PRR5L: variants seen among roughly 807,000 people sequenced by gnomAD.
PRR5L encodes the protein proline-rich protein 5-like.
PRR5L carries 21 observed loss-of-function variants against 36.4 expected under a neutral mutation model. The ratio of observed to expected loss-of-function variants is 0.58; its 90% confidence interval spans 0.41 to 0.83. The LOEUF (loss-of-function observed/expected upper bound fraction) is 0.83, where lower values mean the gene tolerates loss of function less well. Among genes scored for constraint, PRR5L ranks in the 40% least tolerant of loss-of-function variants. The pLI, the probability that PRR5L is intolerant of heterozygous loss-of-function variation, is 0.00. For missense variants in PRR5L, 381 were observed against 473.3 expected (o/e 0.80, Z 1.81); for synonymous variants, 188 against 197.0 (o/e 0.95, Z 0.38).
intron 1 of PRR5L, among the ~76,000 whole-genome samples, chr11:36,313,850 C>A (rs1250757091): frequency 6.6e-6 from 1 of 152,192 alleles, no homozygotes; most frequent in Non-Finnish European, 1.5e-5. Flanking sequence ...TTGCTGATTT[C>A]TCCTCAGTCC....
chr11:36,334,673 T>C (rs1565395180), intron 1 of PRR5L, among the ~76,000 whole-genome samples: 1 of 152,238 alleles, frequency 6.6e-6, no homozygotes, highest in Non-Finnish European at 1.5e-5. Flanking sequence ...ACCTTTTCTA[T>C]GTAGCACTCC....
chr11:36,345,528 T>C (rs1856856843), intron 1 of PRR5L, among the ~76,000 whole-genome samples: 1 of 152,164 alleles, frequency 6.6e-6, no homozygotes. Context: ...ACAGACATAG[T>C]TTTTGGTGAG....
chr11:36,322,586 G>C (rs758723671), intron 1 of PRR5L, among the ~76,000 whole-genome samples: 1 of 152,066 alleles, frequency 6.6e-6, no homozygotes, highest in Non-Finnish European at 1.5e-5. Context: ...CCCACCTCTG[G>C]CCTCATCACA....
chr11:36,375,282 A>T (rs1254161527), intron 1 of PRR5L, among the ~76,000 whole-genome samples: 1 of 151,888 alleles, frequency 6.6e-6, no homozygotes. Context: ...TCCCATGCCC[A>T]GTCTCTTTCA....
At chr11:36,382,501 A>T (rs1857387215) in intron 1 of PRR5L, among the ~76,000 whole-genome samples, 1 of 152,230 alleles carries the variant, frequency 6.6e-6, no homozygotes, top group Non-Finnish European at 1.5e-5. Context: ...TAAACCACAG[A>T]ATCCGATTCA....
At chr11:36,376,224 T>A in intron 1 of PRR5L, 2 of 1,232,764 alleles carry the variant, frequency 1.6e-6, no homozygotes, top group African/African-American at 1.7e-5. Flanking sequence ...GGAGGAGGAG[T>A]GAGATGGGGT....
At chr11:36,398,197 G>A (rs759873165) in intron 1 of PRR5L, among the ~76,000 whole-genome samples, 3 of 152,228 alleles carry the variant, frequency 2.0e-5, no homozygotes, top group Non-Finnish European at 4.4e-5. Context: ...TCGGGGAATA[G>A]CTCTCACAGT....
chr11:36,416,666 C>G (rs1858149910), intron 3 of PRR5L, among the ~76,000 whole-genome samples: 1 of 152,188 alleles, frequency 6.6e-6, no homozygotes, highest in African/African-American at 2.4e-5. Flanking sequence ...TTAGCTTCTG[C>G]TCTGTTATTG....
At chr11:36,305,565 C>T (rs1856421692) in intron 1 of PRR5L, among the ~76,000 whole-genome samples, 1 of 152,138 alleles carries the variant, frequency 6.6e-6, no homozygotes, top group African/African-American at 2.4e-5. Context: ...TTTACGTCCC[C>T]CTGAAATTCA....
At chr11:36,385,270 G>T (rs1423352000) in intron 1 of PRR5L, among the ~76,000 whole-genome samples, 1 of 152,114 alleles carries the variant, frequency 6.6e-6, no homozygotes, top group Non-Finnish European at 1.5e-5. Context: ...GATGACATTT[G>T]GGGGCCACAC....
chr11:36,386,793 G>T (rs1394180384), intron 1 of PRR5L, among the ~76,000 whole-genome samples: 1 of 152,192 alleles, frequency 6.6e-6, no homozygotes, highest in Non-Finnish European at 1.5e-5. Context: ...CTACCTCCTT[G>T]GTTTAGAGTA....
intron 5 of PRR5L, among the ~76,000 whole-genome samples, chr11:36,433,658 T>G (rs1245544084): frequency 6.6e-6 from 1 of 152,204 alleles, no homozygotes; most frequent in African/African-American, 2.4e-5. Flanking sequence ...CAAGTGATTC[T>G]CATGCCTCAG....
At chr11:36,419,133 T>C (rs1564943232) in intron 3 of PRR5L, 122 bp from the exon 4 acceptor site, 4 of 833,492 alleles carry the variant, frequency 4.8e-6, no homozygotes, top group Admixed American at 1.8e-5. Flanking sequence ...GACCAGGACC[T>C]AAGAAAGTGC....
At chr11:36,426,921 G>A (rs988318991) in intron 4 of PRR5L, among the ~76,000 whole-genome samples, 7 of 152,102 alleles carry the variant, frequency 4.6e-5, no homozygotes, top group South Asian at 2.1e-4. Context: ...TTGGTTATCC[G>A]TCTCATCTGG....
intron 4 of PRR5L, among the ~76,000 whole-genome samples, chr11:36,429,002 T>C (rs1858438663): frequency 6.6e-6 from 1 of 152,218 alleles, no homozygotes; most frequent in Admixed American, 6.5e-5. Context: ...GTATTTTCTT[T>C]ATCATTTCTC....
At chr11:36,409,376 T>C (rs1367826421) in intron 3 of PRR5L, among the ~76,000 whole-genome samples, 1 of 152,168 alleles carries the variant, frequency 6.6e-6, no homozygotes, top group Non-Finnish European at 1.5e-5. Flanking sequence ...ACCACCCTGC[T>C]TCTGTTCTTG....
At chr11:36,397,215 G>A (rs1267949833) in intron 1 of PRR5L, among the ~76,000 whole-genome samples, 1 of 151,088 alleles carries the variant, frequency 6.6e-6, no homozygotes, top group Non-Finnish European at 1.5e-5. Flanking sequence ...TTACAGGCAC[G>A]CCAACACGCC....
At chr11:36,325,224 G>C (rs1027315095) in intron 1 of PRR5L, among the ~76,000 whole-genome samples, 1 of 152,192 alleles carries the variant, frequency 6.6e-6, no homozygotes, top group Non-Finnish European at 1.5e-5. Context: ...CGACCAACCC[G>C]GGCACTTAAC....
intron 1 of PRR5L, among the ~76,000 whole-genome samples, chr11:36,363,821 T>C (rs193279210): frequency 5.9e-5 from 9 of 152,344 alleles, no homozygotes; most frequent in Admixed American, 1.3e-4. Context: ...AATCGGCTGT[T>C]AATTTCCAGT....
Sources: gnomAD v4.1 joint callset for allele counts (sites outside exome capture counted in the v4.1 genomes callset) on GRCh38, gnomAD v4.1.1 for gene constraint, MANE v1.5 for transcripts, NCBI Gene and HGNC (gene_info 2026-07-23, HGNC 2026-07-21) for gene names.